CACNA1A: variants seen among roughly 807,000 people sequenced by gnomAD.
CACNA1A encodes voltage-dependent P/Q-type calcium channel subunit alpha-1A.
A neutral mutation model predicts 262.4 loss-of-function variants in CACNA1A; 57 were observed. The ratio of observed to expected loss-of-function variants is 0.22; its 90% CI spans 0.18 to 0.27. CACNA1A has a LOEUF of 0.27. Ranked by LOEUF, CACNA1A falls within the 10% of genes least tolerant of loss-of-function variation. The pLI, the probability that CACNA1A is intolerant of heterozygous loss-of-function variation, is 1.00. For missense variants in CACNA1A, 2,526 were observed against 3,562.8 expected, an observed-to-expected ratio of 0.71 and a Z score of 7.41; for synonymous variants, 1,431 against 1,419.3, an observed-to-expected ratio of 1.01 and a Z score of -0.18.
At chr19:13,478,255 T>C (rs976866678) in intron 1 of CACNA1A, among the ~76,000 whole-genome samples, 1 of 152,174 alleles carries the variant, frequency 6.6e-6, no homozygotes, top group African/African-American at 2.4e-5. Context: ...TGGGGTGAGT[T>C]GCTGGGTCAG....
intron 3 of CACNA1A, among the ~76,000 whole-genome samples, chr19:13,449,651 A>G (rs2060880081): frequency 6.6e-6 from 1 of 152,182 alleles, no homozygotes; most frequent in African/African-American, 2.4e-5. Flanking sequence ...AGTGTAAACT[A>G]TTCTCACTCT....
At chr19:13,220,276 AT>A (rs1291926143) in intron 38 of CACNA1A, among the ~76,000 whole-genome samples, 6 of 145,228 alleles carry the variant, frequency 4.1e-5, no homozygotes, top group Non-Finnish European at 7.6e-5. Flanking sequence ...AAAAAAAAAA[AT>A]ATCAAGTCAG....
chr19:13,254,552 C>T (rs922608036), intron 29 of CACNA1A, among the ~76,000 whole-genome samples: 5 of 151,886 alleles, frequency 3.3e-5, no homozygotes, highest in Admixed American at 6.6e-5. Flanking sequence ...AGTAGAGATG[C>T]GGTTTCTCCG....
At chr19:13,233,296 G>C (rs2055738780) in intron 34 of CACNA1A, among the ~76,000 whole-genome samples, 1 of 151,980 alleles carries the variant, frequency 6.6e-6, no homozygotes, top group Non-Finnish European at 1.5e-5. Flanking sequence ...GGCATAACCT[G>C]CCGGCCCTCT....
At chr19:13,342,747 G>T (rs2058696054) in intron 6 of CACNA1A, among the ~76,000 whole-genome samples, 1 of 152,138 alleles carries the variant, frequency 6.6e-6, no homozygotes. Context: ...TGTTCTAGGT[G>T]ATTAGCTAGG....
chr19:13,484,345 G>A (rs918853557), intron 1 of CACNA1A, among the ~76,000 whole-genome samples: 1 of 152,114 alleles, frequency 6.6e-6, no homozygotes, highest in Non-Finnish European at 1.5e-5. Flanking sequence ...TGACTCTCTT[G>A]GCCAGAATTC....
At chr19:13,469,008 G>T (rs908108332) in intron 1 of CACNA1A, among the ~76,000 whole-genome samples, 2 of 152,086 alleles carry the variant, frequency 1.3e-5, no homozygotes, top group African/African-American at 4.8e-5. Flanking sequence ...ACTCAGATAA[G>T]GTGGAAAAGG....
chr19:13,218,840 C>T (rs1195163779), intron 38 of CACNA1A, among the ~76,000 whole-genome samples: 2 of 151,828 alleles, frequency 1.3e-5, no homozygotes, highest in South Asian at 2.1e-4. Flanking sequence ...CAGGGTCAAG[C>T]GATTCTCCTG....
At chr19:13,284,151 T>C (rs926866564) in intron 21 of CACNA1A, 4 of 152,222 alleles carry the variant, frequency 2.6e-5, no homozygotes, top group Non-Finnish European at 5.9e-5. Flanking sequence ...ACTGGCTTGC[T>C]GTGTGACCTT....
intron 1 of CACNA1A, among the ~76,000 whole-genome samples, chr19:13,459,319 G>T (rs1242840455): frequency 6.6e-6 from 1 of 152,194 alleles, no homozygotes; most frequent in African/African-American, 2.4e-5. Context: ...CTGCTTTCCA[G>T]GTGGGAAAAC....
chr19:13,483,593 A>G (rs1568692749), intron 1 of CACNA1A, among the ~76,000 whole-genome samples: 1 of 152,228 alleles, frequency 6.6e-6, no homozygotes, highest in Non-Finnish European at 1.5e-5. Context: ...GCTGAAAAAG[A>G]GAGAAGAATC....
chr19:13,473,252 C>CCA lies in CACNA1A; in HGVS notation c.294-18041_294-18040insTG, dbSNP rs1555792205. Among the ~76,000 whole-genome samples the CCA allele has an allele frequency of 3.8e-3, 375 of 99,438 alleles. 2 individuals are homozygous for CCA. The highest frequency in any genetic ancestry group is 0.015 in the Middle Eastern group (2 of 136). 65.2% of individuals were successfully genotyped at this position (99,438 alleles called of 152,430 possible). A position where few individuals can be genotyped will look rare whatever the true frequency, so the allele number is the denominator to read the frequency against. ...ACAGGGTGACAGAGTGAGGCCCTGA[C>CCA]AAAAAAAAAAAAAAGAGAGAGAGAG... On this transcript the variant is annotated intron_variant, in intron 1 of 46. Coordinates refer to ENST00000360228, the MANE Select transcript of CACNA1A (RefSeq NM_001127222.2).
rs906314129 is a variant in CACNA1A at position 13,207,238 on chromosome 19, C to T, written c.*75G>A. On this transcript the variant is annotated 3_prime_UTR_variant, in exon 47 of 47. Coordinates refer to ENST00000360228, the MANE Select transcript of CACNA1A (RefSeq NM_001127222.2). This position sits in a 1 kb window ranked among gnomAD's most constrained non-coding sequence, Gnocchi z 5.7. ...GGCCCTCTGTGCTGGGCCCCCGCGG[C>T]CTCTGCGCGGCTCCTCGGGTGGGGT... The T allele has an allele frequency of 1.1e-5, 15 of 1,411,154 alleles. No individual in the cohort carries two copies. The East Asian group carries it at 3.2e-4, about 30-fold the overall frequency. 87.4% of individuals were successfully genotyped at this position (1,411,154 alleles called of 1,614,324 possible).
chr19:13,493,510 T>G (rs2145138879), intron 1 of CACNA1A, among the ~76,000 whole-genome samples: 2 of 152,380 alleles, frequency 1.3e-5, no homozygotes, highest in Non-Finnish European at 2.9e-5. Flanking sequence ...TTGCTCCCAG[T>G]TCAAAAGCAC....
At chr19:13,405,080 T>C (rs1202558174) in intron 3 of CACNA1A, among the ~76,000 whole-genome samples, 1 of 151,818 alleles carries the variant, frequency 6.6e-6, no homozygotes, top group East Asian at 1.9e-4. Flanking sequence ...GTGTTTTTAG[T>C]AGATGGGGTT....
At chr19:13,436,654 C>T (rs1030973279) in intron 3 of CACNA1A, among the ~76,000 whole-genome samples, 3 of 152,208 alleles carry the variant, frequency 2.0e-5, no homozygotes, top group East Asian at 1.9e-4. Flanking sequence ...AAGTTCTACA[C>T]GAGGCTCTGT....
rs1983028343 is a variant in CACNA1A at position 13,506,264 on chromosome 19, A to C, written c.-40T>G. On this transcript the variant is annotated 5_prime_UTR_variant, in exon 1 of 47. Transcript: ENST00000360228. ...AGGGCTCCGGGTTACGCTGCGGCGA[A>C]CGATGCGGAAGACGCCGCCGCCGCC... The C allele has an allele frequency of 7.1e-7, 1 of 1,406,782 alleles. No homozygotes were observed. Among genetic ancestry groups the C allele is most frequent in the Non-Finnish European group, 9.2e-7 (1 of 1,092,210 alleles). 87.1% of individuals were successfully genotyped at this position (1,406,782 alleles called of 1,614,324 possible).
At chr19:13,365,228 G>A in intron 5 of CACNA1A, 89 bp downstream of exon 5, 8 of 1,186,100 alleles carry the variant, frequency 6.7e-6, no homozygotes, top group Admixed American at 2.1e-5. Context: ...CAGCTGCCAG[G>A]AGAAAGAAGC....
At chr19:13,223,606 A>G (rs1329679820) in intron 38 of CACNA1A, among the ~76,000 whole-genome samples, 1 of 152,074 alleles carries the variant, frequency 6.6e-6, no homozygotes, top group African/African-American at 2.4e-5. Flanking sequence ...TTCAAATGTG[A>G]GTTGGGTCAG....
Sources: gnomAD v4.1 joint callset for allele counts (sites outside exome capture counted in the v4.1 genomes callset) on GRCh38, gnomAD v4.1.1 for gene constraint, Gnocchi (gnomAD v3.1) non-coding constraint, MANE v1.5 for transcripts, NCBI Gene and HGNC (gene_info 2026-07-23, HGNC 2026-07-21) for gene names.